Variants in MGAM observed in about 807,000 individuals in gnomAD.
MGAM encodes the protein alpha-1,4-glucosidase.
A neutral mutation model predicts 358.8 loss-of-function variants in MGAM; 253 were observed. That is an observed-to-expected ratio of 0.71 (90% CI 0.64 to 0.78). The LOEUF is 0.78. Ranked by LOEUF, MGAM falls within the 30% of genes least tolerant of loss-of-function variation. The pLI, the probability that MGAM is intolerant of heterozygous loss-of-function variation, is 0.00. For synonymous variants in MGAM, 1,105 were observed against 1,227.1 expected (o/e 0.90, Z 2.08); for missense variants, 3,080 against 3,432.6 (o/e 0.90, Z 2.57).
intron 31 of MGAM, 41 bp downstream of exon 31, chr7:142,058,369 C>A (rs550089753): frequency 6.2e-7 from 1 of 1,611,348 alleles, no homozygotes; most frequent in South Asian, 1.1e-5. Context: ...AAAACTAACC[C>A]AGGTGCCTCT....
In MGAM at chr7:142,100,976, A is replaced by G. The variant is rs371779881; in HGVS notation, c.7963+86A>G. The G allele has an allele frequency of 1.2e-3, 1,382 of 1,197,744 alleles. 20 individuals carry two copies. The South Asian group carries it at 0.018, about 16-fold the overall frequency. 74.2% of individuals were successfully genotyped at this position (1,197,744 alleles called of 1,614,324 possible). ...ACAGGCCTGCTTTCACCTTTTCCCT[A>G]TTATAACAATTTTGCATTTTAAAAT... On this transcript the variant is annotated intron_variant, in intron 68 of 70. Transcript: ENST00000475668.
rs909124901 is a variant in MGAM at position 142,086,165 on chromosome 7, C to G, written c.6637-53C>G. ...GGAGGAGTTCTCCTTCATTCTGTTTCTCTTCATTCTGTGGCTTTGATTTTT... is the reference window on the plus strand; with the variant it reads ...GGAGGAGTTCTCCTTCATTCTGTTTGTCTTCATTCTGTGGCTTTGATTTTT... On this transcript the variant is annotated intron_variant, in intron 55 of 70. Transcript: ENST00000475668. The G allele has an allele frequency of 1.5e-5, 22 of 1,464,266 alleles. 1 individual carries two copies. The highest frequency in any genetic ancestry group is 2.1e-5 in the Non-Finnish European group (22 of 1,070,952). The allele number at this position is 1,464,266 out of a possible 1,614,324, so 90.7% of individuals were successfully genotyped here.
At chr7:142,033,422 T>C (rs1446378938) in intron 14 of MGAM, among the ~76,000 whole-genome samples, 2 of 152,180 alleles carry the variant, frequency 1.3e-5, no homozygotes, top group African/African-American at 4.8e-5. Context: ...TCTCTCAGGG[T>C]GTGGCCTTGG....
chr7:142,091,713 G>A (rs1815400607), intron 57 of MGAM, among the ~76,000 whole-genome samples, 200 bp from the exon 58 acceptor site: 3 of 146,206 alleles, frequency 2.1e-5, no homozygotes, highest in Admixed American at 1.4e-4. Flanking sequence ...TTTTCCAAAT[G>A]CCGGGAAGGT....
chr7:142,000,407 C>G (rs1804637919), intron 1 of MGAM, among the ~76,000 whole-genome samples: 1 of 152,008 alleles, frequency 6.6e-6, no homozygotes, highest in South Asian at 2.1e-4. Flanking sequence ...AGGAAATGAT[C>G]CAAGAGAAAG....
In MGAM at chr7:142,096,497, G is replaced by A; in HGVS notation, c.7692+82G>A. ...GGACGAGGAGAAGAGGCCTGAGCTG[G>A]TGGGGGTCCTAAGACATGGTTTCTT... On this transcript the variant is annotated intron_variant, in intron 65 of 70. Coordinates refer to ENST00000475668, the MANE Select transcript of MGAM (RefSeq NM_001365693.1). 4 of 1,459,614 alleles carry A rather than the reference G, an allele frequency of 2.7e-6. No homozygotes were observed. The South Asian group carries it at 4.6e-5, about 17-fold the overall frequency. 90.4% of individuals were successfully genotyped at this position (1,459,614 alleles called of 1,614,324 possible).
At chr7:141,999,265 A>T (rs943486846) in intron 1 of MGAM, among the ~76,000 whole-genome samples, 2 of 152,238 alleles carry the variant, frequency 1.3e-5, no homozygotes, top group Non-Finnish European at 2.9e-5. Context: ...GAGGCACATC[A>T]GTAGCTTCTT....
intron 45 of MGAM, among the ~76,000 whole-genome samples, chr7:142,074,650 AG>A (rs1272108470): frequency 6.8e-6 from 1 of 146,304 alleles, no homozygotes; most frequent in African/African-American, 2.4e-5. Flanking sequence ...TTTAGGAAAT[AG>A]ATTCCTTTGA....
intron 4 of MGAM, among the ~76,000 whole-genome samples, chr7:142,019,648 C>T (rs1806257419): frequency 6.6e-6 from 1 of 152,202 alleles, no homozygotes; most frequent in Middle Eastern, 3.2e-3. Flanking sequence ...AGACTACTTC[C>T]AACTGTAATT....
intron 21 of MGAM, among the ~76,000 whole-genome samples, chr7:142,043,850 C>A (rs1413135633): frequency 2.5e-5 from 2 of 78,496 alleles, no homozygotes; most frequent in Admixed American, 2.0e-4. Flanking sequence ...ACACATACGA[C>A]GTATAATATA....
chr7:142,089,936 G>A (rs911574429), intron 57 of MGAM, among the ~76,000 whole-genome samples: 3 of 146,496 alleles, frequency 2.0e-5, no homozygotes, highest in African/African-American at 7.3e-5. Context: ...TGGCTTTACT[G>A]AATATAAAAC....
intron 10 of MGAM, chr7:142,030,148 G>A (rs559563867): frequency 1.9e-6 from 1 of 516,052 alleles, no homozygotes; most frequent in East Asian, 3.5e-5. Flanking sequence ...TTAACCTGAT[G>A]GCAGGGAGGG....
upstream of MGAM, among the ~76,000 whole-genome samples, chr7:141,995,337 G>C (rs1241475329): frequency 6.6e-6 from 1 of 151,958 alleles, no homozygotes; most frequent in Non-Finnish European, 1.5e-5. Context: ...CTTATTTATA[G>C]TTCTGCAAAG....
intron 1 of MGAM, among the ~76,000 whole-genome samples, chr7:141,999,904 G>GT (rs5888024): frequency 0.057 from 8,725 of 151,826 alleles, 532 homozygotes; most frequent in East Asian, 0.15. Context: ...TAATGCTGGA[G>GT]TTTTTTTTAA....
intron 12 of MGAM, 131 bp downstream of exon 12, chr7:142,030,888 G>A: frequency 1.5e-6 from 1 of 659,658 alleles, no homozygotes; most frequent in East Asian, 2.8e-5. Context: ...TATATGCTGG[G>A]GATAAATTCT....
At chr7:142,050,387 T>G (rs1810829320) in intron 23 of MGAM, 103 bp downstream of exon 23, 1 of 1,353,082 alleles carries the variant, frequency 7.4e-7, no homozygotes, top group African/African-American at 1.4e-5. Context: ...TTTGTAACTT[T>G]ATATGCATTA....
intron 3 of MGAM, among the ~76,000 whole-genome samples, chr7:142,018,967 A>G (rs1225079772): frequency 6.6e-6 from 1 of 151,984 alleles, no homozygotes; most frequent in Non-Finnish European, 1.5e-5. Flanking sequence ...AAAGTTATAG[A>G]ATGCATTTTG....
At chr7:142,100,292 C>CA (rs1816328197) in intron 67 of MGAM, among the ~76,000 whole-genome samples, 1 of 152,074 alleles carries the variant, frequency 6.6e-6, no homozygotes, top group Admixed American at 6.6e-5. Flanking sequence ...CATAGATGAG[C>CA]AAAAAGGCTA....
intron 65 of MGAM, 39 bp downstream of exon 65, chr7:142,096,454 T>A: frequency 1.2e-6 from 2 of 1,606,056 alleles, no homozygotes; most frequent in Non-Finnish European, 1.7e-6. Context: ...GGATCCCAGC[T>A]GTGAGGCTTG....
Sources: gnomAD v4.1 joint callset for allele counts (sites outside exome capture counted in the v4.1 genomes callset) on GRCh38, gnomAD v4.1.1 for gene constraint, MANE v1.5 for transcripts, NCBI Gene and HGNC (gene_info 2026-07-23, HGNC 2026-07-21) for gene names.